The following PAPPA2 variants were observed in gnomAD, a reference collection of about 807,000 sequenced individuals.
PAPPA2 encodes the protein pappalysin-2.
Under a neutral mutation model 176.4 loss-of-function variants are expected in PAPPA2, and 86 were observed. The observed-to-expected ratio is 0.49, with a 90% CI of 0.41 to 0.58. The LOEUF (loss-of-function observed/expected upper bound fraction) is 0.58, where lower values mean the gene tolerates loss of function less well. Ranked by LOEUF, PAPPA2 falls within the 20% of genes least tolerant of loss-of-function variation. The probability of loss-of-function intolerance (pLI) is 0.00; values close to 1 mark genes in which losing one functional copy is unlikely to be tolerated. For synonymous variants in PAPPA2, 809 were observed against 852.2 expected (o/e 0.95, Z 0.88); for missense variants, 2,073 against 2,256.9 (o/e 0.92, Z 1.65).
At chr1:176,793,462 G>A in intron 19 of PAPPA2, 98 bp from the exon 20 acceptor site, 3 of 975,892 alleles carry the variant, frequency 3.1e-6, no homozygotes, top group Non-Finnish European at 4.8e-6. Context: ...CATGATGAAA[G>A]CAGTTGTTCT....
At chr1:176,613,991 C>A (rs1037728549) in intron 3 of PAPPA2, among the ~76,000 whole-genome samples, 12 of 152,112 alleles carry the variant, frequency 7.9e-5, no homozygotes, top group African/African-American at 2.7e-4. Context: ...GAACTATATG[C>A]CCATGCTTCA....
intron 14 of PAPPA2, among the ~76,000 whole-genome samples, chr1:176,754,749 G>T (rs1663338908): frequency 6.6e-6 from 1 of 152,208 alleles, no homozygotes. Flanking sequence ...GGTGGAGAGA[G>T]CACAGAAAAT....
chr1:176,836,236 G>A (rs988683394), intron 21 of PAPPA2, among the ~76,000 whole-genome samples: 7 of 152,146 alleles, frequency 4.6e-5, no homozygotes, highest in Admixed American at 4.6e-4. Context: ...TTCACATAAC[G>A]AGAAGTTTTT....
At chr1:176,547,733 A>G (rs1650717853) in intron 1 of PAPPA2, among the ~76,000 whole-genome samples, 1 of 151,980 alleles carries the variant, frequency 6.6e-6, no homozygotes, top group South Asian at 2.1e-4. Flanking sequence ...TGTACCCACT[A>G]GATGACAGCA....
intron 21 of PAPPA2, among the ~76,000 whole-genome samples, chr1:176,814,089 G>T (rs1666282053): frequency 6.6e-6 from 1 of 152,074 alleles, no homozygotes; most frequent in Admixed American, 6.6e-5. Context: ...AGATCAGATG[G>T]TTGTAGGTAG....
At chr1:176,489,046 A>C (rs1023394471) in intron 1 of PAPPA2, among the ~76,000 whole-genome samples, 2 of 152,192 alleles carry the variant, frequency 1.3e-5, no homozygotes, top group African/African-American at 2.4e-5. Context: ...CAAACTGTGG[A>C]TCACCACCCA....
chr1:176,781,365 C>CTTGTTT (rs1664709958), intron 17 of PAPPA2, among the ~76,000 whole-genome samples: 1 of 46,226 alleles, frequency 2.2e-5, no homozygotes, highest in African/African-American at 8.4e-5. Flanking sequence ...TTGTAAGGGG[C>CTTGTTT]TTTTTTTTTT....
chr1:176,755,739 G>T (rs979522692), intron 14 of PAPPA2, among the ~76,000 whole-genome samples: 1 of 152,082 alleles, frequency 6.6e-6, no homozygotes, highest in Non-Finnish European at 1.5e-5. Context: ...TGGATTAGGG[G>T]CACTGACCTC....
chr1:176,663,871 G>A (rs1333503630), intron 3 of PAPPA2, among the ~76,000 whole-genome samples: 9 of 152,000 alleles, frequency 5.9e-5, no homozygotes, highest in Non-Finnish European at 1.2e-4. Flanking sequence ...TTTATATTTT[G>A]TCTTTCTAAG....
rs1355213532 is a variant in PAPPA2 at position 176,695,828 on chromosome 1, C to T, written c.2715C>T (p.Ser905=). 1 of 1,614,052 alleles carries T rather than the reference C, an allele frequency of 6.2e-7. No homozygotes were observed. Among genetic ancestry groups the T allele is most frequent in the Non-Finnish European group, 8.5e-7 (1 of 1,180,002 alleles). The change falls in exon 7 of 23, where the codon TCC becomes TCT. Residue 905 remains serine (S), a synonymous_variant. Transcript: ENST00000367662. ...HTASSRRVCD[S]SGYWTPEEAV... is the part of the protein sequence containing the mutation. ...CTTCCTCCCGGCGGGTGTGTGACTC[C>T]TCAGGTTATTGGACCCCAGAGGAGG...
At chr1:176,777,208 T>C (rs1664494582) in intron 17 of PAPPA2, among the ~76,000 whole-genome samples, 1 of 152,138 alleles carries the variant, frequency 6.6e-6, no homozygotes, top group Non-Finnish European at 1.5e-5. Flanking sequence ...AAGTGGTAGA[T>C]ACATAACAAT....
At chr1:176,520,927 T>A (rs563096346) in intron 1 of PAPPA2, among the ~76,000 whole-genome samples, 1 of 152,170 alleles carries the variant, frequency 6.6e-6, no homozygotes, top group East Asian at 1.9e-4. Flanking sequence ...CCATCCTGGG[T>A]AACATAGCAA....
intron 4 of PAPPA2, among the ~76,000 whole-genome samples, chr1:176,681,090 G>A (rs371998154): frequency 6.6e-6 from 1 of 151,746 alleles, no homozygotes; most frequent in African/African-American, 2.4e-5. Flanking sequence ...AGAGGGAGGG[G>A]GAATAGGTAT....
intron 1 of PAPPA2, among the ~76,000 whole-genome samples, chr1:176,538,613 CT>C (rs1014457329): frequency 1.3e-5 from 2 of 150,088 alleles, no homozygotes; most frequent in African/African-American, 4.9e-5. Context: ...TTCTCCGTTT[CT>C]TTTTTGTTTC....
intron 3 of PAPPA2, among the ~76,000 whole-genome samples, chr1:176,607,503 C>T (rs1017819427): frequency 2.6e-5 from 4 of 152,142 alleles, no homozygotes; most frequent in Admixed American, 6.5e-5. Flanking sequence ...AATATATGTC[C>T]TTCAGTTTCA....
chr1:176,679,050 T>C (rs1659451764), intron 4 of PAPPA2, among the ~76,000 whole-genome samples: 3 of 151,996 alleles, frequency 2.0e-5, no homozygotes, highest in Admixed American at 6.6e-5. Context: ...TATACATATA[T>C]TTATATATAT....
At chr1:176,475,598 A>C (rs1652078194) in intron 1 of PAPPA2, among the ~76,000 whole-genome samples, 1 of 152,224 alleles carries the variant, frequency 6.6e-6, no homozygotes, top group Non-Finnish European at 1.5e-5. Context: ...AACTGGAAAA[A>C]AAATGCCAGA....
Position 176,571,666 on chromosome 1 carries a change from C to T in PAPPA2, c.919+14425C>T, listed in dbSNP as rs569119229. On this transcript the variant is annotated intron_variant, in intron 2 of 22. Coordinates refer to ENST00000367662, the MANE Select transcript of PAPPA2 (RefSeq NM_020318.3). ...TCCGTGCAAACTCTCCTCCTGAATG[C>T]TTGTTGCATGTATATCAATGTGATA... 3.9e-5 allele frequency among the ~76,000 whole-genome samples: 6 copies of T among 152,298 alleles called. No individual in the cohort carries two copies. The South Asian group carries it at 1.2e-3, about 32-fold the overall frequency.
At chr1:176,713,399 A>T (rs1019758098) in intron 12 of PAPPA2, among the ~76,000 whole-genome samples, 3 of 152,212 alleles carry the variant, frequency 2.0e-5, no homozygotes, top group African/African-American at 4.8e-5. Context: ...ACTCAAGTTA[A>T]CCAAAGCCTC....
Sources: gnomAD v4.1 joint callset for allele counts (sites outside exome capture counted in the v4.1 genomes callset) on GRCh38, gnomAD v4.1.1 for gene constraint, MANE v1.5 for transcripts, NCBI Gene and HGNC (gene_info 2026-07-23, HGNC 2026-07-21) for gene names.